Variants in ANPEP observed in about 807,000 individuals in gnomAD.
The protein encoded by ANPEP is alanyl aminopeptidase, membrane.
Under a neutral mutation model 114.6 loss-of-function variants are expected in ANPEP, and 70 were observed. The ratio of observed to expected loss-of-function variants is 0.61; its 90% CI spans 0.50 to 0.75. The LOEUF (loss-of-function observed/expected upper bound fraction) is 0.75, where lower values mean the gene tolerates loss of function less well. ANPEP is among the 30% of genes least tolerant of loss of function. ANPEP has a pLI of 0.00. For synonymous variants in ANPEP, 548 were observed against 522.3 expected, an observed-to-expected ratio of 1.05 and a Z score of -0.67; for missense variants, 1,184 against 1,259.5, an observed-to-expected ratio of 0.94 and a Z score of 0.91.
At position 89,806,356 on chromosome 15, in the gene ANPEP, G is replaced by C; in HGVS notation, c.228C>G (p.Leu76=). 1 of 1,614,184 alleles carries C rather than the reference G, an allele frequency of 6.2e-7. No homozygotes were observed. The highest frequency in any genetic ancestry group is 8.5e-7 in the Non-Finnish European group (1 of 1,180,028). ...DQSKAWNRYR[L]PNTLKPDSYR... ...AGGAATCGGGTTTCAGCGTGTTGGG[G>C]AGGCGGTAACGATTCCACGCTTTAC... Residue 76 remains leucine, a synonymous_variant, in exon 2 of 21, where the codon CTC becomes CTG. Transcript: ENST00000300060. This position sits in a 1 kb window ranked among gnomAD's most constrained non-coding sequence, Gnocchi z 5.7.
chr15:89,805,595 C>T, intron 2 of ANPEP, 132 bp from the exon 3 acceptor site: 2 of 1,311,894 alleles, frequency 1.5e-6, no homozygotes, highest in Non-Finnish European at 2.1e-6. Context: ...CCTGCTCCCA[C>T]CCCCGCCTCG....
intron 1 of ANPEP, among the ~76,000 whole-genome samples, chr15:89,814,184 G>C (rs368345335): frequency 3.3e-5 from 5 of 152,324 alleles, no homozygotes; most frequent in Middle Eastern, 3.4e-3. Context: ...CATCTTGGCC[G>C]GGTTGTAGGA....
Position 89,803,784 on chromosome 15 carries a change from G to A in ANPEP, c.1300C>T (p.Leu434Phe). The part of the protein sequence containing the change: ...YAEPTWNLKD[L>F]MVLNDVYRVM... ...CGGTACACATCATTCAGCACCATGA[G>A]GTCTTTCTGCAAATTCCCCAGGGCC... The change falls in exon 8 of 21, where the codon CTC (leucine) becomes TTC (phenylalanine). Residue 434 changes from leucine to phenylalanine, a missense_variant. Transcript: ENST00000300060. The surrounding 1 kb of genome is among the most constrained non-coding windows in gnomAD (Gnocchi z 4.2). The A allele has an allele frequency of 6.2e-7, 1 of 1,607,378 alleles. No homozygotes were observed. Among genetic ancestry groups the A allele is most frequent in the Non-Finnish European group, 8.5e-7 (1 of 1,174,976 alleles).
chr15:89,813,614 C>T (rs1295760130), intron 1 of ANPEP, among the ~76,000 whole-genome samples: 4 of 152,148 alleles, frequency 2.6e-5, no homozygotes, highest in Non-Finnish European at 4.4e-5. Context: ...AGTCCACCCT[C>T]TTCCCTGCCC....
At chr15:89,808,060 C>T (rs1894753547) in intron 1 of ANPEP, among the ~76,000 whole-genome samples, 1 of 152,140 alleles carries the variant, frequency 6.6e-6, no homozygotes, top group Non-Finnish European at 1.5e-5. Flanking sequence ...TAAAAAAAAC[C>T]TTCCTTTTGC....
Position 89,806,364 on chromosome 15 carries a change from A to G in ANPEP, c.220T>C (p.Tyr74His), listed in dbSNP as rs1567162161. Residue 74 changes from tyrosine (Y) to histidine (H), a missense_variant, in exon 2 of 21, where the codon TAC becomes CAC. Physicochemically the swap from Tyr to His is moderately conservative, Grantham distance 83. Transcript: ENST00000300060. This position sits in a 1 kb window ranked among gnomAD's most constrained non-coding sequence, Gnocchi z 5.7. Reference protein sequence around the residue: ...TLDQSKAWNRYRLPNTLKPDS... With the variant: ...TLDQSKAWNRHRLPNTLKPDS... The stretch of plus-strand genomic sequence containing the variant: ...GGTTTCAGCGTGTTGGGGAGGCGGT[A>G]ACGATTCCACGCTTTACTTTGGTCC... The G allele has an allele frequency of 6.2e-7, 1 of 1,614,040 alleles. No homozygotes were observed. Among genetic ancestry groups the G allele is most frequent in the South Asian group, 1.1e-5 (1 of 91,072 alleles).
At chr15:89,802,001 G>A (rs1188065808) in intron 10 of ANPEP, among the ~76,000 whole-genome samples, 2 of 152,110 alleles carry the variant, frequency 1.3e-5, no homozygotes, top group Non-Finnish European at 2.9e-5. Context: ...GGGCCCTGGG[G>A]GTCGCATGAG....
At chr15:89,794,097 T>C (rs1020292575) in intron 15 of ANPEP, among the ~76,000 whole-genome samples, 1 of 152,114 alleles carries the variant, frequency 6.6e-6, no homozygotes, top group South Asian at 2.1e-4. Context: ...GAAAGGGAGA[T>C]GTACCAGGCT....
At chr15:89,810,661 T>C (rs1894801614) in intron 1 of ANPEP, among the ~76,000 whole-genome samples, 1 of 151,944 alleles carries the variant, frequency 6.6e-6, no homozygotes, top group Admixed American at 6.5e-5. Flanking sequence ...AAGGAAGGCC[T>C]GGTGGCATCG....
chr15:89,785,617 C>T, intron 20 of ANPEP, 116 bp from the exon 21 acceptor site: 1 of 1,415,062 alleles, frequency 7.1e-7, no homozygotes, highest in Middle Eastern at 2.0e-4. Flanking sequence ...GATGGGACCA[C>T]ACCCTGTTCC....
chr15:89,806,879 G>C lies in ANPEP; in HGVS notation c.-223-73C>G. 1 of 377,424 alleles carries C rather than the reference G, an allele frequency of 2.6e-6. No individual in the cohort carries two copies. 23.4% of individuals were successfully genotyped at this position (377,424 alleles called of 1,614,324 possible). A position where few individuals can be genotyped will look rare whatever the true frequency, so the allele number is the denominator to read the frequency against. ...ATCAGGCCCGAGGGCTGAAGGGCAG[G>C]CTTCCGGCTGTAGGCCCAGTGGGCA... On this transcript the variant is annotated intron_variant, in intron 1 of 20. Transcript: ENST00000300060. This position sits in a 1 kb window ranked among gnomAD's most constrained non-coding sequence, Gnocchi z 5.7.
chr15:89,806,128 C>T lies in ANPEP; in HGVS notation c.456G>A (p.Lys152=). The T allele has an allele frequency of 1.2e-6, 2 of 1,614,094 alleles. No individual in the cohort carries two copies. Among genetic ancestry groups the T allele is most frequent in the Non-Finnish European group, 1.7e-6 (2 of 1,180,000 alleles). The change falls in exon 2 of 21, where the codon AAG becomes AAA. Residue 152 remains lysine (K), a synonymous_variant. Transcript: ENST00000300060. This position sits in a 1 kb window ranked among gnomAD's most constrained non-coding sequence, Gnocchi z 5.7. The part of the protein sequence containing the change: ...VGGSQPPDID[K]TELVEPTEYL... ...ACTCGGTGGGCTCCACCAGCTCAGT[C>T]TTGTCAATGTCGGGGGGCTGGGAGC...
chr15:89,801,078 G>A (rs777866896), intron 12 of ANPEP, 33 bp downstream of exon 12: 2 of 1,592,014 alleles, frequency 1.3e-6, no homozygotes. Flanking sequence ...GTATGGGGTG[G>A]GGGCTGCTGC....
chr15:89,791,977 T>C (rs1344141497), intron 18 of ANPEP, among the ~76,000 whole-genome samples, 183 bp downstream of exon 18: 1 of 152,044 alleles, frequency 6.6e-6, no homozygotes, highest in East Asian at 1.9e-4. Flanking sequence ...CAGACCTGAG[T>C]CCATATCTTG....
chr15:89,813,274 G>A (rs1301158256), intron 1 of ANPEP, among the ~76,000 whole-genome samples: 1 of 152,184 alleles, frequency 6.6e-6, no homozygotes, highest in Non-Finnish European at 1.5e-5. Flanking sequence ...TTCCGACATG[G>A]GGACCCCCAT....
chr15:89,789,430 A>G (rs1357680255), intron 20 of ANPEP, among the ~76,000 whole-genome samples: 3 of 152,196 alleles, frequency 2.0e-5, no homozygotes, highest in African/African-American at 7.2e-5. Flanking sequence ...GATAGTAAGA[A>G]GATAATCATT....
chr15:89,809,640 C>T (rs755758831), intron 1 of ANPEP, among the ~76,000 whole-genome samples: 1 of 152,224 alleles, frequency 6.6e-6, no homozygotes, highest in Non-Finnish European at 1.5e-5. Context: ...GGCCTGGCCA[C>T]CTCCACACCC....
At chr15:89,800,675 C>T (rs1020255728) in intron 12 of ANPEP, among the ~76,000 whole-genome samples, 1 of 151,594 alleles carries the variant, frequency 6.6e-6, no homozygotes, top group African/African-American at 2.4e-5. Flanking sequence ...AATTCTCCTG[C>T]CCCAGCCTCC....
At chr15:89,785,547 G>T (rs769823949) in intron 20 of ANPEP, 46 bp from the exon 21 acceptor site, 1 of 1,128,840 alleles carries the variant, frequency 8.9e-7, no homozygotes, top group Non-Finnish European at 1.3e-6. Context: ...GTCCCTAACA[G>T]CCTTGAGGAG....
Sources: gnomAD v4.1 joint callset for allele counts (sites outside exome capture counted in the v4.1 genomes callset) on GRCh38, gnomAD v4.1.1 for gene constraint, Gnocchi (gnomAD v3.1) non-coding constraint, MANE v1.5 for transcripts, NCBI Gene and HGNC (gene_info 2026-07-23, HGNC 2026-07-21) for gene names.